Variants in GPHN observed in about 807,000 individuals in gnomAD.
GPHN encodes the protein gephyrin.
A neutral mutation model predicts 95.5 loss-of-function variants in GPHN; 17 were observed. That is an observed-to-expected ratio of 0.18 (90% CI 0.12 to 0.27). GPHN has a LOEUF of 0.27. Ranked by LOEUF, GPHN falls within the 10% of genes least tolerant of loss-of-function variation. The pLI is 1.00. For missense variants in GPHN, 660 were observed against 978.1 expected (o/e 0.67, Z 4.34); for synonymous variants, 320 against 322.5 (o/e 0.99, Z 0.08).
At chr14:66,762,504 A>G (rs955510255) in intron 2 of GPHN, among the ~76,000 whole-genome samples, 2 of 151,794 alleles carry the variant, frequency 1.3e-5, no homozygotes, top group South Asian at 4.2e-4. Flanking sequence ...CAGCATTTAT[A>G]TATGAAAATT....
rs559851066 is a variant in GPHN at position 66,951,205 on chromosome 14, G to A, written c.829-13986G>A. On this transcript the variant is annotated intron_variant, in intron 8 of 22. Coordinates refer to ENST00000478722, the MANE Select transcript of GPHN (RefSeq NM_020806.5). ...CCTCCCAAAGTACAGTTTTTAAGTGGTGTGCGTGTGTTTAATTAAGAAAGG... is the reference window on the plus strand; with the variant it reads ...CCTCCCAAAGTACAGTTTTTAAGTGATGTGCGTGTGTTTAATTAAGAAAGG... 1.7e-4 allele frequency among the ~76,000 whole-genome samples: 26 copies of A among 152,050 alleles called. 2 individuals carry two copies. In the South Asian group the frequency reaches 5.4e-3, roughly 32 times the overall value.
chr14:67,114,924 A>G (rs1326465664), intron 16 of GPHN, among the ~76,000 whole-genome samples: 1 of 152,162 alleles, frequency 6.6e-6, no homozygotes, highest in Non-Finnish European at 1.5e-5. Flanking sequence ...AGATGGTATT[A>G]TATCATGAAA....
chr14:67,721,403 A>G, the GPHN span, among the ~76,000 whole-genome samples: 2 of 152,048 alleles, frequency 1.3e-5, no homozygotes, highest in Non-Finnish European at 2.9e-5. Flanking sequence ...ACAGGCACGC[A>G]CCACCACACC....
At chr14:67,043,210 A>G (rs1457923041) in intron 10 of GPHN, among the ~76,000 whole-genome samples, 1 of 152,130 alleles carries the variant, frequency 6.6e-6, no homozygotes, top group Non-Finnish European at 1.5e-5. Context: ...TTCCTATTTG[A>G]ATATCCTTTA....
chr14:66,996,232 G>T, intron 9 of GPHN: 1 of 1,493,962 alleles, frequency 6.7e-7, no homozygotes, highest in African/African-American at 1.4e-5. Flanking sequence ...TATTTTGCAC[G>T]TGTTTTCTTA....
chr14:67,482,740 G>A, the GPHN span, among the ~76,000 whole-genome samples: 2 of 152,330 alleles, frequency 1.3e-5, no homozygotes, highest in South Asian at 4.1e-4. Context: ...CCCAGGGCCA[G>A]AAGGGAAGCA....
chr14:66,803,260 C>T (rs2060424280), intron 3 of GPHN, among the ~76,000 whole-genome samples: 1 of 152,170 alleles, frequency 6.6e-6, no homozygotes, highest in African/African-American at 2.4e-5. Flanking sequence ...CCCCAGGGCA[C>T]AGAAATGCTG....
chr14:66,761,133 A>G (rs1197134441), intron 2 of GPHN: 4 of 348,186 alleles, frequency 1.1e-5, no homozygotes, highest in Non-Finnish European at 2.2e-5. Context: ...AGTGATTAAT[A>G]TATCTTTCCT....
chr14:67,610,618 C>T, the GPHN span, among the ~76,000 whole-genome samples: 2 of 152,110 alleles, frequency 1.3e-5, no homozygotes, highest in African/African-American at 4.8e-5. Flanking sequence ...AACCTAGAGA[C>T]CTGGTCTTGG....
At chr14:67,388,104 C>G in the GPHN span, 1 of 648,418 alleles carries the variant, frequency 1.5e-6, no homozygotes, top group Non-Finnish European at 2.8e-6. Context: ...TCACACCACT[C>G]TGTCTCATGG....
the GPHN span, among the ~76,000 whole-genome samples, chr14:67,436,179 A>C: frequency 2.6e-5 from 4 of 152,190 alleles, no homozygotes; most frequent in Non-Finnish European, 5.9e-5. Flanking sequence ...TGAATGTCAC[A>C]GGATACTACT....
chr14:67,652,794 T>C, the GPHN span, among the ~76,000 whole-genome samples: 4 of 152,204 alleles, frequency 2.6e-5, no homozygotes, highest in Non-Finnish European at 5.9e-5. Flanking sequence ...ATTTTACAAA[T>C]ATATTTCTTT....
chr14:66,801,466 T>C (rs913276593), intron 3 of GPHN, among the ~76,000 whole-genome samples: 1 of 152,130 alleles, frequency 6.6e-6, no homozygotes, highest in Admixed American at 6.5e-5. Context: ...TTATACAAGA[T>C]CCTAAAGAAT....
intron 10 of GPHN, among the ~76,000 whole-genome samples, chr14:67,033,104 A>G (rs977985911): frequency 4.6e-5 from 7 of 152,188 alleles, no homozygotes; most frequent in Non-Finnish European, 2.9e-5. Flanking sequence ...CCAAAGAGAA[A>G]TTCTGGAGCC....
At chr14:67,070,912 G>A (rs189154124) in intron 11 of GPHN, among the ~76,000 whole-genome samples, 100 of 151,768 alleles carry the variant, frequency 6.6e-4, no homozygotes, top group African/African-American at 2.3e-3. Flanking sequence ...TCAGAGAAAT[G>A]CAAATCAAAA....
chr14:67,699,589 CAAAAAAAA>C, the GPHN span, among the ~76,000 whole-genome samples: 2 of 50,812 alleles, frequency 3.9e-5, no homozygotes, highest in East Asian at 5.9e-4. Context: ...GACCCTATCT[CAAAAAAAA>C]AAAAAAAAAA....
At chr14:67,154,111 T>C (rs2081443032) in intron 18 of GPHN, among the ~76,000 whole-genome samples, 1 of 152,228 alleles carries the variant, frequency 6.6e-6, no homozygotes, top group Admixed American at 6.5e-5. Flanking sequence ...TCTGCCTATC[T>C]CTTCAAACTC....
chr14:67,444,543 C>G, the GPHN span, among the ~76,000 whole-genome samples: 1 of 152,158 alleles, frequency 6.6e-6, no homozygotes, highest in African/African-American at 2.4e-5. Flanking sequence ...CTTGGAATTT[C>G]CTGAGTGATA....
At chr14:67,722,692 T>C in the GPHN span, 4 of 1,613,862 alleles carry the variant, frequency 2.5e-6, no homozygotes, top group Non-Finnish European at 3.4e-6. Flanking sequence ...TTCCTGTATA[T>C]GGTAGCTCCA....
Sources: allele counts gnomAD v4.1 joint callset (sites outside exome capture counted in the v4.1 genomes callset), GRCh38; gene constraint gnomAD v4.1.1; transcripts MANE v1.5; gene names NCBI Gene and HGNC (gene_info 2026-07-23, HGNC 2026-07-21).